RHOD: variants seen among roughly 807,000 people sequenced by gnomAD.
The protein encoded by RHOD is rho-related GTP-binding protein RhoD.
In RHOD, 11 loss-of-function variants were observed where a neutral mutation model predicts 16.7. The observed-to-expected ratio is 0.66, with a 90% CI of 0.41 to 1.09. The LOEUF is 1.09. RHOD is among the 50% of genes least tolerant of loss of function. RHOD has a pLI of 0.00. For missense variants in RHOD, 271 were observed against 291.7 expected, an observed-to-expected ratio of 0.93 and a Z score of 0.52; for synonymous variants, 124 against 126.3, an observed-to-expected ratio of 0.98 and a Z score of 0.12.
intron 3 of RHOD, among the ~76,000 whole-genome samples, chr11:67,069,812 C>T (rs1855003848): frequency 6.6e-6 from 1 of 152,166 alleles, no homozygotes; most frequent in South Asian, 2.1e-4. Context: ...CCTGCCTCAG[C>T]CTCCCGAGCA....
chr11:67,066,695 G>A, intron 2 of RHOD, 43 bp from the exon 3 acceptor site: 1 of 1,260,222 alleles, frequency 7.9e-7, no homozygotes, highest in Non-Finnish European at 1.2e-6. Context: ...TGCTGACAGG[G>A]GCCAGGAGCC....
intron 1 of RHOD, 44 bp downstream of exon 1, chr11:67,057,078 C>CCCGGGTGTACAGGT (rs1279589445): frequency 1.4e-6 from 2 of 1,398,100 alleles, no homozygotes; most frequent in South Asian, 1.6e-5. Flanking sequence ...CGCTCGCGCG[C>CCCGGGTGTACAGGT]CCGGGTGTAC....
In RHOD at chr11:67,071,718, G is replaced by C. The variant is rs1472810543; in HGVS notation, c.*116G>C. On this transcript the variant is annotated 3_prime_UTR_variant, in exon 5 of 5. Transcript: ENST00000308831. ...CCGCCGAACTCCACTGCAACAGACG[G>C]GCGCCACCAAAGCCAGGCCCTGAGG... The C allele has an allele frequency of 2.8e-5, 32 of 1,135,326 alleles. No homozygotes were observed. Among genetic ancestry groups the C allele is most frequent in the Non-Finnish European group, 3.1e-5 (26 of 827,292 alleles). 70.3% of individuals were successfully genotyped at this position (1,135,326 alleles called of 1,614,324 possible). A position where few individuals can be genotyped will look rare whatever the true frequency, so the allele number is the denominator to read the frequency against.
intron 1 of RHOD, among the ~76,000 whole-genome samples, chr11:67,059,601 C>T (rs1386989366): frequency 6.6e-6 from 1 of 151,152 alleles, no homozygotes; most frequent in African/African-American, 2.4e-5. Flanking sequence ...TTAAAAGAAC[C>T]CACAACGTGT....
chr11:67,057,782 G>A (rs1252014414), intron 1 of RHOD, among the ~76,000 whole-genome samples: 1 of 152,234 alleles, frequency 6.6e-6, no homozygotes, highest in Non-Finnish European at 1.5e-5. Context: ...GTAGGGCAGT[G>A]GTGAAGTGGA....
chr11:67,069,010 C>T (rs776021984), intron 3 of RHOD, among the ~76,000 whole-genome samples: 1 of 151,902 alleles, frequency 6.6e-6, no homozygotes, highest in African/African-American at 2.4e-5. Context: ...CTCTGTCTCC[C>T]AGGCTGGAGT....
At chr11:67,062,509 T>G (rs1238254590) in intron 1 of RHOD, among the ~76,000 whole-genome samples, 1 of 151,840 alleles carries the variant, frequency 6.6e-6, no homozygotes, top group Non-Finnish European at 1.5e-5. Flanking sequence ...GTAGAGGGAG[T>G]GATAGCATGT....
At chr11:67,058,082 G>A (rs930229129) in intron 1 of RHOD, among the ~76,000 whole-genome samples, 2 of 152,108 alleles carry the variant, frequency 1.3e-5, no homozygotes, top group African/African-American at 2.4e-5. Context: ...TGCAACCTCC[G>A]CCTCCTGGGT....
At chr11:67,066,928 G>C (rs895409889) in intron 3 of RHOD, 81 bp downstream of exon 3, 1 of 952,032 alleles carries the variant, frequency 1.1e-6, no homozygotes, top group Non-Finnish European at 1.7e-6. Flanking sequence ...CCAGCTGACT[G>C]TCAGAGCTTG....
At chr11:67,059,309 G>GT (rs1854857468) in intron 1 of RHOD, among the ~76,000 whole-genome samples, 1 of 152,176 alleles carries the variant, frequency 6.6e-6, no homozygotes, top group South Asian at 2.1e-4. Context: ...GGAGGCCAAG[G>GT]TGGGTGGATC....
chr11:67,065,436 A>G (rs879790221), intron 1 of RHOD, among the ~76,000 whole-genome samples: 6 of 151,970 alleles, frequency 3.9e-5, no homozygotes, highest in Non-Finnish European at 5.9e-5. Context: ...GATGGAGTAC[A>G]GTGGTGCGAT....
intron 1 of RHOD, among the ~76,000 whole-genome samples, chr11:67,063,328 G>A (rs1854914660): frequency 1.3e-5 from 2 of 151,128 alleles, no homozygotes; most frequent in Non-Finnish European, 3.0e-5. Context: ...CTGTCTCTAC[G>A]AAAAAAGAAG....
chr11:67,071,529 C>T lies in RHOD; in HGVS notation c.560C>T (p.Ala187Val), dbSNP rs763430377. 3.7e-6 allele frequency: 6 copies of T among 1,611,990 alleles called. No individual in the cohort carries two copies. The highest frequency in any genetic ancestry group is 5.1e-6 in the Non-Finnish European group (6 of 1,179,434). Residue 187 changes from alanine (A) to valine (V), a missense_variant, in exon 5 of 5, where the codon GCC becomes GTC. Coordinates refer to ENST00000308831, the MANE Select transcript of RHOD (RefSeq NM_014578.4). Reference protein sequence around the residue: ...DNVHAVFQEAAEVALSSRGRN... With the variant: ...DNVHAVFQEAVEVALSSRGRN... ...GTCCACGCCGTCTTCCAGGAGGCCG[C>T]CGAGGTGGCCCTCAGCAGCCGCGGT...
intron 1 of RHOD, among the ~76,000 whole-genome samples, chr11:67,062,294 G>A (rs1854902598): frequency 6.6e-6 from 1 of 152,132 alleles, no homozygotes; most frequent in African/African-American, 2.4e-5. Context: ...TTTAACCAGT[G>A]AGGAGACTGT....
chr11:67,061,754 A>T (rs1854890891), intron 1 of RHOD, among the ~76,000 whole-genome samples: 1 of 129,088 alleles, frequency 7.7e-6, no homozygotes. Context: ...AAAAAAAAAA[A>T]AATATATATA....
At chr11:67,057,140 G>A in intron 1 of RHOD, 106 bp downstream of exon 1, 1 of 1,283,980 alleles carries the variant, frequency 7.8e-7, no homozygotes. Flanking sequence ...CCTCCGAGGG[G>A]TGTCCCAGCG....
At chr11:67,061,342 C>T (rs1221988682) in intron 1 of RHOD, among the ~76,000 whole-genome samples, 1 of 152,028 alleles carries the variant, frequency 6.6e-6, no homozygotes, top group East Asian at 1.9e-4. Context: ...ATTAAAAGTA[C>T]AAAAATTAGG....
intron 1 of RHOD, 70 bp downstream of exon 1, chr11:67,057,104 C>A: frequency 1.5e-6 from 2 of 1,334,050 alleles, no homozygotes; most frequent in South Asian, 1.9e-5. Flanking sequence ...CGTGCCGGAG[C>A]GGCCCAGGCT....
chr11:67,059,198 T>C (rs1329478920), intron 1 of RHOD, among the ~76,000 whole-genome samples: 1 of 152,142 alleles, frequency 6.6e-6, no homozygotes, highest in Non-Finnish European at 1.5e-5. Flanking sequence ...GCTCCTCCCG[T>C]CTGGGGGCTC....
Sources: allele counts gnomAD v4.1 joint callset (sites outside exome capture counted in the v4.1 genomes callset), GRCh38; gene constraint gnomAD v4.1.1; transcripts MANE v1.5; gene names NCBI Gene and HGNC (gene_info 2026-07-23, HGNC 2026-07-21).